MRPS30: variants seen among roughly 807,000 people sequenced by gnomAD.
MRPS30 encodes the protein mitochondrial ribosomal protein S30, also known as large ribosomal subunit protein mL65.
In MRPS30, 42 loss-of-function variants were observed where a neutral mutation model predicts 43.8. The ratio of observed to expected loss-of-function variants is 0.96; its 90% CI spans 0.75 to 1.24. The LOEUF (loss-of-function observed/expected upper bound fraction) is 1.24, where lower values mean the gene tolerates loss of function less well. Ranked by LOEUF, MRPS30 falls within the 50% of genes most tolerant of loss-of-function variation. The probability of loss-of-function intolerance (pLI) is 0.00; values close to 1 mark genes in which losing one functional copy is unlikely to be tolerated. For missense variants in MRPS30, 638 were observed against 570.0 expected, an observed-to-expected ratio of 1.12 and a Z score of -1.22; for synonymous variants, 273 against 228.2, an observed-to-expected ratio of 1.20 and a Z score of -1.77.
Position 44,809,166 on chromosome 5 carries a change from G to C in MRPS30, c.204G>C (p.Ala68=), listed in dbSNP as rs765718705. The change falls in exon 1 of 5, where the codon GCG becomes GCC. Residue 68 remains alanine, a synonymous_variant. Transcript: ENST00000507110. The part of the protein sequence containing the change: ...ARLRRIERWQ[A]TVHAAESVDE... ...TGCGGCGGATCGAGCGCTGGCAGGC[G>C]ACGGTGCACGCTGCGGAGTCGGTAG... 2 of 1,611,980 alleles carry C rather than the reference G, an allele frequency of 1.2e-6. No homozygotes were observed. The highest frequency in any genetic ancestry group is 2.2e-5 in the South Asian group (2 of 90,968).
rs565708943 is a variant in MRPS30, at chr5:44,813,451, C to A, written c.1030+169C>A. The stretch of plus-strand genomic sequence containing the variant: ...TTAAAATCCTCGTTTAAATACTATA[C>A]ATTTGAAATCTGACACTGAGGTAGT... On this transcript the variant is annotated intron_variant, in intron 4 of 4. Coordinates refer to ENST00000507110, the MANE Select transcript of MRPS30 (RefSeq NM_016640.4). 4 of 518,268 alleles carry A rather than the reference C, an allele frequency of 7.7e-6. No individual in the cohort carries two copies. In the South Asian group the frequency reaches 1.1e-4, roughly 14 times the overall value. 32.1% of individuals were successfully genotyped at this position (518,268 alleles called of 1,614,324 possible). A position where few individuals can be genotyped will look rare whatever the true frequency, so the allele number is the denominator to read the frequency against.
intron 3 of MRPS30, among the ~76,000 whole-genome samples, chr5:44,812,280 TTAGA>T (rs1185986178): frequency 4.1e-4 from 63 of 152,302 alleles, no homozygotes; most frequent in African/African-American, 1.2e-3. Context: ...TGTTGACTTA[TTAGA>T]TAGAAAAATT....
In MRPS30 at chr5:44,811,084, T is replaced by C; in HGVS notation, c.677T>C (p.Ile226Thr). 2.5e-6 allele frequency: 4 copies of C among 1,614,124 alleles called. No homozygotes were observed. The highest frequency in any genetic ancestry group is 1.7e-4 in the Middle Eastern group (1 of 6,060). Residue 226 changes from isoleucine (I) to threonine (T), a missense_variant, in exon 2 of 5, where the codon ATT (isoleucine) becomes ACT (threonine). Physicochemically the swap from Ile to Thr is moderately conservative, Grantham distance 89 (BLOSUM62 -1). Transcript: ENST00000507110. The part of the protein sequence containing the change: ...IIPRGHRRGR[I>T]DDLRYQIDDK... ...CCTCGTGGTCATCGAAGAGGTCGAA[T>C]TGATGACTTGCGATACCAGATAGAT... is the stretch of plus-strand genomic sequence containing the variant.
chr5:44,810,603 A>T (rs1477086546), intron 1 of MRPS30, among the ~76,000 whole-genome samples: 1 of 152,208 alleles, frequency 6.6e-6, no homozygotes, highest in Non-Finnish European at 1.5e-5. Flanking sequence ...TGGATGGCCT[A>T]GAAAACCTGT....
chr5:44,812,163 G>A, intron 3 of MRPS30, 143 bp downstream of exon 3: 1 of 459,586 alleles, frequency 2.2e-6, no homozygotes, highest in Non-Finnish European at 3.9e-6. Flanking sequence ...CGTAATCTCA[G>A]GTTATTACAA....
In MRPS30 at chr5:44,809,193, C is replaced by T. The variant is rs778963051; in HGVS notation, c.231C>T (p.Asp77=). The stretch of plus-strand genomic sequence containing the variant: ...CGGTGCACGCTGCGGAGTCGGTAGA[C>T]GAGAAGCTGCGAATCCTCACCAAGA... ...QATVHAAESV[D]EKLRILTKMQ... The change falls in exon 1 of 5, where the codon GAC becomes GAT. Residue 77 remains aspartate, a synonymous_variant. Coordinates refer to ENST00000507110, the MANE Select transcript of MRPS30 (RefSeq NM_016640.4). 7 of 1,612,902 alleles carry T rather than the reference C, an allele frequency of 4.3e-6. No homozygotes were observed. Among genetic ancestry groups the T allele is most frequent in the Non-Finnish European group, 5.9e-6 (7 of 1,179,818 alleles).
At chr5:44,813,372 T>C (rs1742873735) in intron 4 of MRPS30, 90 bp downstream of exon 4, 1 of 1,134,688 alleles carries the variant, frequency 8.8e-7, no homozygotes, top group Non-Finnish European at 1.2e-6. Context: ...GGTTAAAACA[T>C]AGGTTGAATC....
At position 44,811,867 on chromosome 5, in the gene MRPS30, C is replaced by T. The variant is rs371068953; in HGVS notation, c.748-48C>T. On this transcript the variant is annotated intron_variant, in intron 2 of 4. Coordinates refer to ENST00000507110, the MANE Select transcript of MRPS30 (RefSeq NM_016640.4). ...AAATCTAATGAGTGTGAGTAAAATA[C>T]ATACTAATGTTGCTGTGAATTTAGT... is the stretch of plus-strand genomic sequence containing the variant. 5.5e-4 allele frequency: 632 copies of T among 1,141,380 alleles called. 1 individual carries two copies. The highest frequency in any genetic ancestry group is 7.2e-4 in the Non-Finnish European group (588 of 818,182). The allele number at this position is 1,141,380 out of a possible 1,614,324, so 70.7% of individuals were successfully genotyped here. A position where few individuals can be genotyped will look rare whatever the true frequency, so the allele number is the denominator to read the frequency against.
Position 44,809,113 on chromosome 5 carries a change from A to G in MRPS30, c.151A>G (p.Met51Val). 3.7e-6 allele frequency: 6 copies of G among 1,611,844 alleles called. No homozygotes were observed. Among genetic ancestry groups the G allele is most frequent in the Non-Finnish European group, 5.1e-6 (6 of 1,179,532 alleles). The change falls in exon 1 of 5, where the codon ATG (methionine) becomes GTG (valine). Residue 51 changes from methionine (M) to valine (V), a missense_variant. Physicochemically the swap from Met to Val is conservative, Grantham distance 21 (BLOSUM62 1). Transcript: ENST00000507110. The part of the protein sequence containing the change: ...VARYPPIVAS[M>V]TADSKAARLR... Reference sequence around the variant, plus strand: ...GCGGTACCCGCCGATTGTGGCCTCCATGACAGCCGACAGCAAAGCTGCACG... The same window carrying G: ...GCGGTACCCGCCGATTGTGGCCTCCGTGACAGCCGACAGCAAAGCTGCACG...
intron 1 of MRPS30, among the ~76,000 whole-genome samples, chr5:44,810,303 A>G (rs373508856): frequency 6.6e-6 from 1 of 152,230 alleles, no homozygotes; most frequent in Non-Finnish European, 1.5e-5. Context: ...TAGGGGGTCA[A>G]ACTTCAAACT....
In MRPS30 at chr5:44,809,525, T is replaced by G; in HGVS notation, c.563T>G (p.Leu188Arg). The change falls in exon 1 of 5, where the codon CTC becomes CGC. Residue 188 changes from leucine (L) to arginine (R), a missense_variant. Coordinates refer to ENST00000507110, the MANE Select transcript of MRPS30 (RefSeq NM_016640.4). ...DQLVSTLVGL[L>R]SPHNPALAAA... is the part of the protein sequence containing the mutation. Reference sequence around the variant, plus strand: ...CTGGTGTCAACCCTCGTGGGCCTCCTCAGCCCACACAACCCGGCCCTGGCC... The same window carrying G: ...CTGGTGTCAACCCTCGTGGGCCTCCGCAGCCCACACAACCCGGCCCTGGCC... The G allele has an allele frequency of 6.2e-7, 1 of 1,610,286 alleles. No individual in the cohort carries two copies. Among genetic ancestry groups the G allele is most frequent in the Non-Finnish European group, 8.5e-7 (1 of 1,178,368 alleles).
Position 44,809,273 on chromosome 5 carries a change from G to A in MRPS30, c.311G>A (p.Arg104His), listed in dbSNP as rs1742779110. 1 of 1,613,336 alleles carries A rather than the reference G, an allele frequency of 6.2e-7. No homozygotes were observed. The change falls in exon 1 of 5, where the codon CGC becomes CAC. Residue 104 changes from arginine (R) to histidine (H), a missense_variant. Arg to His is a conservative substitution (Grantham distance 29). Transcript: ENST00000507110. ...CAGACCTTCGCGCTGAATGCCGACC[G>A]CTGGTACCAGTACTTCACCAAGACC... The part of the protein sequence containing the change: ...YPQTFALNAD[R>H]WYQYFTKTVF...
intron 3 of MRPS30, among the ~76,000 whole-genome samples, 170 bp downstream of exon 3, chr5:44,812,190 A>G (rs1323016198): frequency 6.6e-6 from 1 of 152,158 alleles, no homozygotes; most frequent in African/African-American, 2.4e-5. Context: ...TAAACACTGG[A>G]AAGAAAATAT....
Position 44,811,039 on chromosome 5 carries a change from T to C in MRPS30, c.632T>C (p.Val211Ala), listed in dbSNP as rs774757131. The C allele has an allele frequency of 6.2e-7, 1 of 1,614,000 alleles. No individual in the cohort carries two copies. The highest frequency in any genetic ancestry group is 1.1e-5 in the South Asian group (1 of 91,076). Residue 211 changes from valine to alanine, a missense_variant, in exon 2 of 5, where the codon GTG becomes GCG. Transcript: ENST00000507110. ...AGATGCCCAGTTCATTTTTACTGGG[T>C]GCGTGGTGAAGAAATTATTCCTCGT... is the stretch of plus-strand genomic sequence containing the variant. ...DYRCPVHFYW[V>A]RGEEIIPRGH...
chr5:44,812,368 G>A (rs929723242), intron 3 of MRPS30, among the ~76,000 whole-genome samples: 1 of 152,038 alleles, frequency 6.6e-6, no homozygotes, highest in Non-Finnish European at 1.5e-5. Flanking sequence ...TGTCCTATTT[G>A]TGCCATGCAT....
intron 1 of MRPS30, 120 bp downstream of exon 1, chr5:44,809,683 C>T (rs2111851984): frequency 4.3e-6 from 5 of 1,162,344 alleles, no homozygotes; most frequent in East Asian, 2.5e-5. Context: ...TTTCCTAGTC[C>T]TTTCGTTCCT....
chr5:44,809,226 T>C lies in MRPS30; in HGVS notation c.264T>C (p.Phe88=). 1.2e-6 allele frequency: 2 copies of C among 1,613,658 alleles called. No homozygotes were observed. The highest frequency in any genetic ancestry group is 1.7e-6 in the Non-Finnish European group (2 of 1,179,914). ...EKLRILTKMQ[F]MKYMVYPQTF... ...TGCGAATCCTCACCAAGATGCAGTTTATGAAGTACATGGTTTACCCGCAGA... is the reference window on the plus strand; with the variant it reads ...TGCGAATCCTCACCAAGATGCAGTTCATGAAGTACATGGTTTACCCGCAGA... The change falls in exon 1 of 5, where the codon TTT becomes TTC. Residue 88 remains phenylalanine, a synonymous_variant. Transcript: ENST00000507110.
Position 44,808,974 on chromosome 5 carries a change from C to T in MRPS30, c.12C>T (p.Ala4=). ...AATCGCGGGCAAAGATGGCGGCGGC[C>T]AGGTGTTGGAGGCCTTTGCTACGCG... is the stretch of plus-strand genomic sequence containing the variant. MAA[A]RCWRPLLRGP... is the part of the protein sequence containing the mutation. The change falls in exon 1 of 5, where the codon GCC becomes GCT. Residue 4 remains alanine, a synonymous_variant. Coordinates refer to ENST00000507110, the MANE Select transcript of MRPS30 (RefSeq NM_016640.4). 1 of 1,596,538 alleles carries T rather than the reference C, an allele frequency of 6.3e-7. No individual in the cohort carries two copies. The highest frequency in any genetic ancestry group is 8.5e-7 in the Non-Finnish European group (1 of 1,172,458).
intron 3 of MRPS30, among the ~76,000 whole-genome samples, chr5:44,812,587 TG>T (rs1289446492): frequency 6.6e-6 from 1 of 152,144 alleles, no homozygotes; most frequent in Non-Finnish European, 1.5e-5. Flanking sequence ...AGGAACTTTT[TG>T]TTGAAAAGAC....
Sources: gnomAD v4.1 joint callset for allele counts (sites outside exome capture counted in the v4.1 genomes callset) on GRCh38, gnomAD v4.1.1 for gene constraint, MANE v1.5 for transcripts, NCBI Gene and HGNC (gene_info 2026-07-23, HGNC 2026-07-21) for gene names.